PPTC7: variants seen among roughly 807,000 people sequenced by gnomAD.
PPTC7 encodes the protein protein phosphatase PTC7 homolog.
A neutral mutation model predicts 30.8 loss-of-function variants in PPTC7; 6 were observed. The ratio of observed to expected loss-of-function variants is 0.19; its 90% CI spans 0.11 to 0.38. PPTC7 has a LOEUF of 0.38. Ranked by LOEUF, PPTC7 falls within the 10% of genes least tolerant of loss-of-function variation. The probability of loss-of-function intolerance (pLI) is 1.00; values close to 1 mark genes in which losing one functional copy is unlikely to be tolerated. For missense variants in PPTC7, 218 were observed against 404.8 expected, an observed-to-expected ratio of 0.54 and a Z score of 3.96; for synonymous variants, 163 against 168.1, an observed-to-expected ratio of 0.97 and a Z score of 0.23.
chr12:110,560,667 TAGA>T (rs1413087542), intron 1 of PPTC7, among the ~76,000 whole-genome samples: 1 of 152,202 alleles, frequency 6.6e-6, no homozygotes, highest in African/African-American at 2.4e-5. Flanking sequence ...AAACGTTTTC[TAGA>T]AGAACGCGAT....
chr12:110,575,659 A>C lies in PPTC7; in HGVS notation c.223+7150T>G, dbSNP rs1435689681. On this transcript the variant is annotated intron_variant, in intron 1 of 5. Transcript: ENST00000354300. ...AAGCTCCACAACAGCTTGCATCTGT[A>C]ATCTACCTTCTGCTACAATTTAAAA... Among the ~76,000 whole-genome samples the C allele has an allele frequency of 2.7e-5, 4 of 147,676 alleles. No individual in the cohort carries two copies. The Admixed American group carries it at 2.7e-4, about 10-fold the overall frequency.
At position 110,545,899 on chromosome 12, in the gene PPTC7, C is replaced by G; in HGVS notation, c.583G>C (p.Gly195Arg). 4 of 1,613,668 alleles carry G rather than the reference C, an allele frequency of 2.5e-6. No homozygotes were observed. Among genetic ancestry groups the G allele is most frequent in the Non-Finnish European group, 3.4e-6 (4 of 1,180,034 alleles). ...QLSIAPPEAE[G>R]VVLSDSPDAA... ...GATTACCTGTCGCTCAAGACGACTC[C>G]CTCGGCTTCAGGGGGAGCGATTGAG... The change falls in exon 3 of 6, where the codon GGA (glycine) becomes CGA (arginine). Residue 195 changes from glycine to arginine, a missense_variant. Physicochemically the swap from Gly to Arg is moderately radical, Grantham distance 125 (BLOSUM62 -2). Coordinates refer to ENST00000354300, the MANE Select transcript of PPTC7 (RefSeq NM_139283.2).
At chr12:110,568,010 A>G (rs1392555880) in intron 1 of PPTC7, among the ~76,000 whole-genome samples, 1 of 150,058 alleles carries the variant, frequency 6.7e-6, no homozygotes, top group East Asian at 2.0e-4. Context: ...AACAAACCAA[A>G]CCAAACAAAA....
intron 3 of PPTC7, among the ~76,000 whole-genome samples, chr12:110,544,560 G>A (rs529725379): frequency 6.6e-5 from 10 of 152,344 alleles, no homozygotes; most frequent in Non-Finnish European, 1.5e-4. Context: ...TTTTGGCTGG[G>A]CGCAGTGGCT....
chr12:110,574,670 C>T (rs1339823128), intron 1 of PPTC7, among the ~76,000 whole-genome samples: 1 of 152,148 alleles, frequency 6.6e-6, no homozygotes, highest in African/African-American at 2.4e-5. Context: ...ATGCCCTCTG[C>T]AATAGGTCAG....
intron 5 of PPTC7, 79 bp from the exon 6 acceptor site, chr12:110,537,174 G>T (rs11065660): frequency 9.0e-6 from 10 of 1,116,074 alleles, no homozygotes; most frequent in Non-Finnish European, 1.4e-5. Flanking sequence ...TTAAGTACTA[G>T]GAGACAAATG....
At chr12:110,566,310 C>A (rs1185007843) in intron 1 of PPTC7, among the ~76,000 whole-genome samples, 1 of 152,188 alleles carries the variant, frequency 6.6e-6, no homozygotes, top group Non-Finnish European at 1.5e-5. Context: ...TCACAATCAG[C>A]CAAAATCACC....
intron 1 of PPTC7, among the ~76,000 whole-genome samples, chr12:110,561,195 A>T (rs1482179799): frequency 1.3e-5 from 2 of 152,212 alleles, no homozygotes; most frequent in African/African-American, 4.8e-5. Flanking sequence ...AGCCAGCCTC[A>T]TTTGTCTAAA....
chr12:110,572,186 C>T (rs1360047016), intron 1 of PPTC7, among the ~76,000 whole-genome samples: 1 of 152,174 alleles, frequency 6.6e-6, no homozygotes, highest in African/African-American at 2.4e-5. Context: ...CACCTCACAC[C>T]TGTAATCTCA....
In PPTC7 at chr12:110,565,343, G is replaced by A. The variant is rs75654152; in HGVS notation, c.224-13375C>T. Among the ~76,000 whole-genome samples the A allele has an allele frequency of 0.013, 1,952 of 151,448 alleles. 181 individuals carry two copies. In the East Asian group the frequency reaches 0.25, roughly 19 times the overall value. ...ATGAACTTGGCTCACTGCAACCTCC[G>A]CCTCCCAGGTTCAAGCGATTCTCTG... On this transcript the variant is annotated intron_variant, in intron 1 of 5. Coordinates refer to ENST00000354300, the MANE Select transcript of PPTC7 (RefSeq NM_139283.2).
chr12:110,561,560 C>T (rs1472158612), intron 1 of PPTC7, among the ~76,000 whole-genome samples: 1 of 152,146 alleles, frequency 6.6e-6, no homozygotes, highest in Non-Finnish European at 1.5e-5. Flanking sequence ...AAGTGATTGC[C>T]CCCCAACACA....
chr12:110,563,806 T>C (rs1191969111), intron 1 of PPTC7, among the ~76,000 whole-genome samples: 1 of 152,228 alleles, frequency 6.6e-6, no homozygotes, highest in African/African-American at 2.4e-5. Context: ...CACTTACACC[T>C]ATGTCTAGAA....
chr12:110,540,362 T>C (rs2064249892), intron 3 of PPTC7, among the ~76,000 whole-genome samples: 1 of 137,320 alleles, frequency 7.3e-6, no homozygotes, highest in African/African-American at 2.7e-5. Flanking sequence ...CGCTCTGTTG[T>C]CGAGGCTGGA....
Position 110,583,224 on chromosome 12 carries a change from A to G in PPTC7, c.-193T>C. ...GCTCAGCCGCGCGCACCGGAGCCAG[A>G]GCGAGGTCAGAAGCGGCGGCTCCTC... On this transcript the variant is annotated 5_prime_UTR_variant, in exon 1 of 6. Transcript: ENST00000354300. The G allele has an allele frequency of 5.0e-6, 1 of 200,858 alleles. No individual in the cohort carries two copies. The allele number at this position is 200,858 out of a possible 1,614,324, so 12.4% of individuals were successfully genotyped here.
At chr12:110,563,137 A>G (rs1208194656) in intron 1 of PPTC7, among the ~76,000 whole-genome samples, 1 of 150,820 alleles carries the variant, frequency 6.6e-6, no homozygotes, top group Non-Finnish European at 1.5e-5. Context: ...AAAAAAAAAA[A>G]AAAAAAAAAA....
At chr12:110,543,014 C>A (rs947932735) in intron 3 of PPTC7, among the ~76,000 whole-genome samples, 4 of 152,160 alleles carry the variant, frequency 2.6e-5, no homozygotes, top group African/African-American at 9.7e-5. Flanking sequence ...ATCTGATAAT[C>A]CGCCTTAATC....
chr12:110,546,301 T>C, intron 2 of PPTC7: 1 of 546,220 alleles, frequency 1.8e-6, no homozygotes, highest in Non-Finnish European at 3.3e-6. Context: ...ACATAGTAAT[T>C]GGGCCACAGA....
rs80173458 is a variant in PPTC7, at chr12:110,553,182, G to A, written c.224-1214C>T. Reference sequence around the variant, plus strand: ...TGGGCAACAAGAGTGAAACTCCATCGCTCTGTCACCAGGCTGGAGCAGTGG... The same window carrying A: ...TGGGCAACAAGAGTGAAACTCCATCACTCTGTCACCAGGCTGGAGCAGTGG... On this transcript the variant is annotated intron_variant, in intron 1 of 5. Coordinates refer to ENST00000354300, the MANE Select transcript of PPTC7 (RefSeq NM_139283.2). Among the ~76,000 whole-genome samples the A allele has an allele frequency of 5.5e-4, 80 of 145,464 alleles. 1 individual carries two copies. The East Asian group carries it at 8.7e-3, about 16-fold the overall frequency.
intron 1 of PPTC7, among the ~76,000 whole-genome samples, chr12:110,560,990 C>G (rs915765431): frequency 1.3e-5 from 2 of 152,158 alleles, no homozygotes; most frequent in African/African-American, 4.8e-5. Flanking sequence ...GAATAAGAAT[C>G]TGGCAGGATC....
Sources: gnomAD v4.1 joint callset for allele counts (sites outside exome capture counted in the v4.1 genomes callset) on GRCh38, gnomAD v4.1.1 for gene constraint, MANE v1.5 for transcripts, NCBI Gene and HGNC (gene_info 2026-07-23, HGNC 2026-07-21) for gene names.